The following GAS2 variants were observed in gnomAD, a reference collection of about 807,000 sequenced individuals.
GAS2 encodes growth arrest-specific protein 2.
GAS2 carries 20 observed loss-of-function variants against 37.5 expected under a neutral mutation model. The observed-to-expected ratio is 0.53, with a 90% CI of 0.37 to 0.77. GAS2 has a LOEUF of 0.77. GAS2 is among the 30% of genes least tolerant of loss of function. The probability of loss-of-function intolerance (pLI) is 0.00; values close to 1 mark genes in which losing one functional copy is unlikely to be tolerated. For missense variants in GAS2, 336 were observed against 373.4 expected, an observed-to-expected ratio of 0.90 and a Z score of 0.82; for synonymous variants, 144 against 132.2, an observed-to-expected ratio of 1.09 and a Z score of -0.61.
intron 3 of GAS2, among the ~76,000 whole-genome samples, chr11:22,697,020 T>C (rs1850559621): frequency 6.6e-6 from 1 of 151,748 alleles, no homozygotes; most frequent in South Asian, 2.1e-4. Context: ...TCCTTGCCCA[T>C]GCCTATGTCC....
intron 7 of GAS2, among the ~76,000 whole-genome samples, chr11:22,764,292 G>A (rs1047966285): frequency 5.9e-5 from 9 of 152,180 alleles, no homozygotes; most frequent in Admixed American, 2.6e-4. Flanking sequence ...CGGGCACGGC[G>A]GATCATGCCT....
In GAS2 at chr11:22,789,423, GAGATATATATATAT is replaced by G. The variant is rs1319917699; in HGVS notation, c.724-22373_724-22360del. 8.4e-5 allele frequency among the ~76,000 whole-genome samples: 6 copies of G among 71,164 alleles called. 1 individual carries two copies. Among genetic ancestry groups the G allele is most frequent in the African/African-American group, 2.3e-4 (4 of 17,328 alleles). 46.7% of individuals were successfully genotyped at this position (71,164 alleles called of 152,430 possible). On this transcript the variant is annotated intron_variant, in intron 7 of 7. Transcript: ENST00000454584. ...GTGTGTATGTGTGTGTATCTCATAT[GAGATATATATATAT>G]ATATATATATATATATATTCTTTTT... is the stretch of plus-strand genomic sequence containing the variant.
intron 3 of GAS2, among the ~76,000 whole-genome samples, chr11:22,692,304 G>C (rs1347544025): frequency 1.3e-5 from 2 of 152,150 alleles, no homozygotes; most frequent in Admixed American, 6.6e-5. Context: ...GAAAATCGGA[G>C]ACAAGTCTCA....
chr11:22,772,886 A>G (rs1855058389), intron 7 of GAS2, among the ~76,000 whole-genome samples: 1 of 152,188 alleles, frequency 6.6e-6, no homozygotes, highest in Non-Finnish European at 1.5e-5. Context: ...TGCTTCCTGC[A>G]TTTCTCACAC....
intron 5 of GAS2, 30 bp from the exon 6 acceptor site, chr11:22,749,090 C>T (rs779345821): frequency 1.9e-6 from 3 of 1,583,032 alleles, no homozygotes; most frequent in African/African-American, 2.7e-5. Flanking sequence ...ATAAGTTATG[C>T]ATATGTAATG....
intron 1 of GAS2, among the ~76,000 whole-genome samples, chr11:22,644,682 A>G (rs1313597385): frequency 2.8e-5 from 2 of 70,922 alleles, no homozygotes; most frequent in African/African-American, 5.5e-5. Context: ...GTGCAGTGGC[A>G]TGATCTCAGC....
chr11:22,636,716 A>C (rs2133811116), intron 1 of GAS2, among the ~76,000 whole-genome samples: 1 of 152,064 alleles, frequency 6.6e-6, no homozygotes, highest in South Asian at 2.1e-4. Flanking sequence ...CTTTAGTGTC[A>C]ATAGATGAAC....
chr11:22,695,613 G>A (rs909797061), intron 3 of GAS2, among the ~76,000 whole-genome samples: 3 of 152,116 alleles, frequency 2.0e-5, no homozygotes, highest in Admixed American at 6.6e-5. Flanking sequence ...TTTTAGCAAA[G>A]GACAGGAGCC....
At chr11:22,687,550 C>T (rs1850024978) in intron 3 of GAS2, among the ~76,000 whole-genome samples, 1 of 152,066 alleles carries the variant, frequency 6.6e-6, no homozygotes, top group South Asian at 2.1e-4. Flanking sequence ...AGTAAGTGAC[C>T]AAGCAAGAAT....
chr11:22,698,688 A>G (rs1394674897), intron 3 of GAS2, among the ~76,000 whole-genome samples: 1 of 152,014 alleles, frequency 6.6e-6, no homozygotes, highest in Non-Finnish European at 1.5e-5. Context: ...AGTGGGCTTC[A>G]TCCCTGGGAT....
At chr11:22,699,845 T>A (rs903553655) in intron 3 of GAS2, among the ~76,000 whole-genome samples, 1 of 152,124 alleles carries the variant, frequency 6.6e-6, no homozygotes, top group Non-Finnish European at 1.5e-5. Flanking sequence ...CCTCTCAAGA[T>A]TAACATTTCA....
intron 3 of GAS2, 21 bp from the exon 4 acceptor site, chr11:22,726,271 A>G (rs769187245): frequency 1.9e-6 from 3 of 1,583,600 alleles, no homozygotes; most frequent in Non-Finnish European, 2.6e-6. Context: ...TTCTCCTAGA[A>G]CGAATTTCTT....
intron 5 of GAS2, 28 bp downstream of exon 5, chr11:22,737,796 A>ATGTCTT: frequency 6.2e-7 from 1 of 1,604,744 alleles, no homozygotes; most frequent in Non-Finnish European, 8.5e-7. Context: ...AACTATGTCA[A>ATGTCTT]GACATTGACG....
intron 6 of GAS2, among the ~76,000 whole-genome samples, chr11:22,752,418 G>GTT (rs1456577777): frequency 6.6e-6 from 1 of 151,948 alleles, no homozygotes; most frequent in African/African-American, 2.4e-5. Flanking sequence ...CTTCACTAAT[G>GTT]TTTTAAATCA....
rs185525072 is a variant in GAS2, at chr11:22,630,594, A to C, written c.-21+4781A>C. ...ATCCAGAATCTACAAAGAACTCCCC[A>C]CACCATTAAATAAGGTGTCCTTTTG... On this transcript the variant is annotated intron_variant, in intron 1 of 5. Coordinates refer to the GAS2 transcript ENST00000528582. Among the ~76,000 whole-genome samples, 116 of 152,258 alleles carry C rather than the reference A, an allele frequency of 7.6e-4. 1 individual carries two copies. In the East Asian group the frequency reaches 0.016, roughly 21 times the overall value.
At chr11:22,667,486 A>T (rs1849030487) in intron 1 of GAS2, among the ~76,000 whole-genome samples, 1 of 152,210 alleles carries the variant, frequency 6.6e-6, no homozygotes, top group African/African-American at 2.4e-5. Flanking sequence ...TTATGTGAAT[A>T]AACAAACGCT....
chr11:22,738,464 C>A (rs1852872176), intron 5 of GAS2, among the ~76,000 whole-genome samples: 1 of 152,112 alleles, frequency 6.6e-6, no homozygotes, highest in African/African-American at 2.4e-5. Flanking sequence ...GGGCTTCTGG[C>A]CAGCCCATGA....
At chr11:22,709,232 A>G (rs1199275464) in intron 3 of GAS2, among the ~76,000 whole-genome samples, 2 of 151,710 alleles carry the variant, frequency 1.3e-5, no homozygotes. Flanking sequence ...CACAGAAGAC[A>G]TTGTAATTAA....
At chr11:22,711,586 A>G (rs969157528) in intron 3 of GAS2, among the ~76,000 whole-genome samples, 34 of 152,196 alleles carry the variant, frequency 2.2e-4, no homozygotes, top group Non-Finnish European at 3.1e-4. Context: ...TGCTTTCTCA[A>G]TTGGGACGCT....
Sources: allele counts gnomAD v4.1 joint callset (sites outside exome capture counted in the v4.1 genomes callset), GRCh38; gene constraint gnomAD v4.1.1; transcripts MANE v1.5; gene names NCBI Gene and HGNC (gene_info 2026-07-23, HGNC 2026-07-21).